The following RAB3C variants were observed in gnomAD, a reference collection of about 807,000 sequenced individuals.
RAB3C encodes the protein RAB3C, member RAS oncogene family.
RAB3C carries 17 observed loss-of-function variants against 26.4 expected under a neutral mutation model. The ratio of observed to expected loss-of-function variants is 0.64; its 90% CI spans 0.44 to 0.97. RAB3C has a LOEUF of 0.97. RAB3C is among the 50% of genes least tolerant of loss of function. The pLI, the probability that RAB3C is intolerant of heterozygous loss-of-function variation, is 0.00. For missense variants in RAB3C, 242 were observed against 281.9 expected, an observed-to-expected ratio of 0.86 and a Z score of 1.01; for synonymous variants, 91 against 95.9, an observed-to-expected ratio of 0.95 and a Z score of 0.30.
intron 3 of RAB3C, among the ~76,000 whole-genome samples, chr5:58,733,131 C>T (rs1304433656): frequency 2.0e-5 from 3 of 152,132 alleles, no homozygotes; most frequent in East Asian, 1.9e-4. Flanking sequence ...ATTCTAACTT[C>T]CTCGAAGATA....
At chr5:58,648,393 T>C (rs888577740) in intron 2 of RAB3C, among the ~76,000 whole-genome samples, 3 of 152,214 alleles carry the variant, frequency 2.0e-5, no homozygotes, top group Non-Finnish European at 4.4e-5. Flanking sequence ...TGTCTTCTCT[T>C]AGAGAGATCA....
chr5:58,702,251 G>A (rs1430555738), intron 2 of RAB3C, among the ~76,000 whole-genome samples: 2 of 152,026 alleles, frequency 1.3e-5, no homozygotes, highest in African/African-American at 2.4e-5. Context: ...AATGCTGTCC[G>A]TGACCCATTT....
intron 3 of RAB3C, among the ~76,000 whole-genome samples, chr5:58,780,129 G>A (rs775817880): frequency 7.9e-5 from 12 of 152,066 alleles, no homozygotes; most frequent in African/African-American, 2.2e-4. Flanking sequence ...TAGCAGTGTC[G>A]TGGGCATGCT....
intron 2 of RAB3C, among the ~76,000 whole-genome samples, chr5:58,673,487 CAT>C (rs1225664617): frequency 1.2e-3 from 170 of 144,076 alleles, no homozygotes; most frequent in Middle Eastern, 3.5e-3. Context: ...CACACACACA[CAT>C]ACAATTTTCA....
chr5:58,739,130 A>G (rs1271949623), intron 3 of RAB3C, among the ~76,000 whole-genome samples: 1 of 152,182 alleles, frequency 6.6e-6, no homozygotes, highest in South Asian at 2.1e-4. Flanking sequence ...GACTTACTTG[A>G]ACCTTACAGT....
intron 4 of RAB3C, among the ~76,000 whole-genome samples, chr5:58,849,615 A>G (rs551318909): frequency 2.0e-5 from 3 of 152,320 alleles, no homozygotes; most frequent in South Asian, 4.1e-4. Context: ...ACAAGCCACA[A>G]TGGTTTGAAA....
chr5:58,703,424 C>T (rs201389229), intron 2 of RAB3C, among the ~76,000 whole-genome samples: 7 of 152,182 alleles, frequency 4.6e-5, no homozygotes, highest in Admixed American at 3.3e-4. Flanking sequence ...TCAGCTGATC[C>T]GCCTGCCTTG....
intron 2 of RAB3C, among the ~76,000 whole-genome samples, chr5:58,698,285 G>A (rs377484463): frequency 6.6e-6 from 1 of 152,128 alleles, no homozygotes; most frequent in Non-Finnish European, 1.5e-5. Context: ...GGTTTCTGCC[G>A]AGAGATCAGC....
At chr5:58,618,653 A>G (rs1050806951) in intron 2 of RAB3C, among the ~76,000 whole-genome samples, 2 of 152,198 alleles carry the variant, frequency 1.3e-5, no homozygotes, top group Non-Finnish European at 2.9e-5. Flanking sequence ...GCAATATAAA[A>G]GATGGAGCAG....
At chr5:58,824,570 G>A (rs1374672301) in intron 3 of RAB3C, among the ~76,000 whole-genome samples, 2 of 152,206 alleles carry the variant, frequency 1.3e-5, no homozygotes, top group South Asian at 4.1e-4. Flanking sequence ...TCTTTAAGTT[G>A]TTACTGTGAT....
At chr5:58,676,604 G>A (rs1748233184) in intron 2 of RAB3C, among the ~76,000 whole-genome samples, 1 of 152,088 alleles carries the variant, frequency 6.6e-6, no homozygotes, top group Non-Finnish European at 1.5e-5. Flanking sequence ...GTGCGGGGTG[G>A]TAGGGGAGGT....
chr5:58,616,848 T>TG (rs1468689277), intron 1 of RAB3C, among the ~76,000 whole-genome samples: 1 of 152,120 alleles, frequency 6.6e-6, no homozygotes, highest in Non-Finnish European at 1.5e-5. Context: ...CTAGGGCACT[T>TG]GCGCATGCCT....
At chr5:58,809,790 T>A (rs1299520838) in intron 3 of RAB3C, among the ~76,000 whole-genome samples, 1 of 152,204 alleles carries the variant, frequency 6.6e-6, no homozygotes, top group Non-Finnish European at 1.5e-5. Context: ...GAATCAGTCT[T>A]ACTTTGAGCT....
At chr5:58,806,238 T>C (rs1164081240) in intron 3 of RAB3C, among the ~76,000 whole-genome samples, 1 of 152,208 alleles carries the variant, frequency 6.6e-6, no homozygotes, top group African/African-American at 2.4e-5. Flanking sequence ...AAAATGATGA[T>C]AACGTTAGTC....
intron 3 of RAB3C, among the ~76,000 whole-genome samples, chr5:58,767,972 G>T (rs1394434381): frequency 6.6e-6 from 1 of 152,116 alleles, no homozygotes; most frequent in East Asian, 1.9e-4. Flanking sequence ...CATCTAAACT[G>T]AACTCTAAAG....
chr5:58,706,283 A>T (rs1748941988), intron 2 of RAB3C, among the ~76,000 whole-genome samples: 1 of 151,934 alleles, frequency 6.6e-6, no homozygotes, highest in African/African-American at 2.4e-5. Flanking sequence ...GAGTTTGAGC[A>T]CCTCTGGATA....
chr5:58,663,535 G>A (rs926774412), intron 2 of RAB3C, among the ~76,000 whole-genome samples: 30 of 150,318 alleles, frequency 2.0e-4, no homozygotes, highest in Non-Finnish European at 3.5e-4. Context: ...AAATTCATTT[G>A]GATGAAATAG....
At chr5:58,787,889 C>T (rs1415385104) in intron 3 of RAB3C, among the ~76,000 whole-genome samples, 1 of 152,192 alleles carries the variant, frequency 6.6e-6, no homozygotes, top group Non-Finnish European at 1.5e-5. Context: ...GGAACACTCC[C>T]CTCCCTCCAC....
chr5:58,745,804 A>T (rs191926316), intron 3 of RAB3C, among the ~76,000 whole-genome samples: 241 of 152,164 alleles, frequency 1.6e-3, no homozygotes, highest in African/African-American at 5.6e-3. Flanking sequence ...TTTTTCCTTT[A>T]TTGTACTTTG....
Sources: gnomAD v4.1 joint callset for allele counts (sites outside exome capture counted in the v4.1 genomes callset) on GRCh38, gnomAD v4.1.1 for gene constraint, MANE v1.5 for transcripts, NCBI Gene and HGNC (gene_info 2026-07-23, HGNC 2026-07-21) for gene names.